Variants in SYN3 observed in about 807,000 individuals in gnomAD.
SYN3 encodes the protein synapsin III.
A neutral mutation model predicts 65.8 loss-of-function variants in SYN3; 35 were observed. That is an observed-to-expected ratio of 0.53 (90% CI 0.41 to 0.70). The LOEUF (loss-of-function observed/expected upper bound fraction) is 0.70, where lower values mean the gene tolerates loss of function less well. Ranked by LOEUF, SYN3 falls within the 30% of genes least tolerant of loss-of-function variation. The pLI is 0.00. For missense variants in SYN3, 680 were observed against 749.0 expected (o/e 0.91, Z 1.08); for synonymous variants, 270 against 292.9 (o/e 0.92, Z 0.80).
chr22:32,572,280 T>TTTCCTTCCTTCCTTCCC (rs1278696058), intron 7 of SYN3, among the ~76,000 whole-genome samples: 1 of 74,966 alleles, frequency 1.3e-5, no homozygotes, highest in African/African-American at 5.6e-5. Context: ...CCCCCCTCCC[T>TTTCCTTCCTTCCTTCCC]CCCTCCCTCC....
At chr22:32,629,107 G>A (rs62232754) in intron 6 of SYN3, among the ~76,000 whole-genome samples, 40,443 of 152,098 alleles carry the variant, frequency 0.27, 5,879 homozygotes, top group African/African-American at 0.37. Flanking sequence ...TGACCCTGTC[G>A]TGTGTGCTCC....
At chr22:32,805,525 T>C (rs539026948) in intron 6 of SYN3, among the ~76,000 whole-genome samples, 1 of 152,196 alleles carries the variant, frequency 6.6e-6, no homozygotes, top group African/African-American at 2.4e-5. Context: ...CTTGGAACCA[T>C]GGAAGGAGGA....
rs183964092 is a variant in SYN3, at chr22:32,990,887, A to G, written c.312-10185T>C. ...ACATAGCGAAAACCCATCTCTACTA[A>G]AAATGCAAAAAAAATTGGCTGGGCG... On this transcript the variant is annotated intron_variant, in intron 2 of 13. Transcript: ENST00000358763. 3.1e-3 allele frequency among the ~76,000 whole-genome samples: 465 copies of G among 152,070 alleles called. 4 individuals carry two copies. Among genetic ancestry groups the G allele is most frequent in the African/African-American group, 0.011 (451 of 41,486 alleles).
chr22:32,848,060 A>C (rs2048118956), intron 6 of SYN3, among the ~76,000 whole-genome samples: 1 of 152,182 alleles, frequency 6.6e-6, no homozygotes, highest in Non-Finnish European at 1.5e-5. Context: ...AGACCTGTCC[A>C]TTTGCTCCTC....
chr22:32,861,810 A>T (rs1355120438), intron 6 of SYN3: 1 of 152,666 alleles, frequency 6.6e-6, no homozygotes, highest in African/African-American at 2.4e-5. Flanking sequence ...TGTATAATTT[A>T]AAATCATTTA....
intron 4 of SYN3, among the ~76,000 whole-genome samples, chr22:32,881,887 C>T (rs2049149808): frequency 6.6e-6 from 1 of 152,004 alleles, no homozygotes; most frequent in Non-Finnish European, 1.5e-5. Context: ...GAAACCCCGT[C>T]TCTACTAAAA....
chr22:32,971,091 A>G (rs1276034137), intron 3 of SYN3, among the ~76,000 whole-genome samples: 1 of 152,232 alleles, frequency 6.6e-6, no homozygotes, highest in East Asian at 1.9e-4. Context: ...GCACCTAGCA[A>G]ATAGTAAATG....
chr22:32,535,787 G>GC (rs1164686053), intron 9 of SYN3, among the ~76,000 whole-genome samples: 1 of 152,098 alleles, frequency 6.6e-6, no homozygotes. Flanking sequence ...GAATCGGGGG[G>GC]GGGGCCCTGC....
chr22:32,986,446 A>G (rs2145685681), intron 2 of SYN3, among the ~76,000 whole-genome samples: 1 of 152,268 alleles, frequency 6.6e-6, no homozygotes, highest in Admixed American at 6.5e-5. Flanking sequence ...GGCCTGGCAG[A>G]CGGACTGGGG....
intron 7 of SYN3, among the ~76,000 whole-genome samples, chr22:32,575,605 C>T (rs2058839793): frequency 6.6e-6 from 1 of 152,182 alleles, no homozygotes; most frequent in African/African-American, 2.4e-5. Context: ...ATGTTTGCTC[C>T]TCCACTCACC....
chr22:32,520,866 A>C (rs1459126848), intron 12 of SYN3, among the ~76,000 whole-genome samples: 6 of 152,186 alleles, frequency 3.9e-5, no homozygotes, highest in African/African-American at 1.4e-4. Flanking sequence ...GACCGTGGGT[A>C]AGTCACTCCC....
chr22:32,583,868 T>C (rs1042298321), intron 7 of SYN3: 1 of 152,222 alleles, frequency 6.6e-6, no homozygotes, highest in African/African-American at 2.4e-5. Flanking sequence ...ATCCCCATTG[T>C]TCCTATAGCT....
chr22:32,516,374 T>G (rs2097314), intron 13 of SYN3, among the ~76,000 whole-genome samples: 80,682 of 151,466 alleles, frequency 0.53, 24,003 homozygotes, highest in East Asian at 0.9. Flanking sequence ...TTTATTTATT[T>G]ATTTATTGAG....
chr22:33,056,161 G>A lies in SYN3; in HGVS notation c.-163+2131C>T, dbSNP rs546534389. Among the ~76,000 whole-genome samples, 24 of 152,256 alleles carry A rather than the reference G, an allele frequency of 1.6e-4. No homozygotes were observed. The East Asian group carries it at 3.7e-3, about 23-fold the overall frequency. On this transcript the variant is annotated intron_variant, in intron 1 of 13. Coordinates refer to ENST00000358763, the MANE Select transcript of SYN3 (RefSeq NM_003490.4). ...ATATACATAATAGACACTCAAAAAA[G>A]GGAAGCAGTAGTCTTCGTGGCTATT... is the stretch of plus-strand genomic sequence containing the variant.
intron 6 of SYN3, among the ~76,000 whole-genome samples, chr22:32,708,374 C>G (rs938651580): frequency 2.0e-5 from 3 of 152,172 alleles, no homozygotes; most frequent in Non-Finnish European, 2.9e-5. Context: ...GCGGCCCATT[C>G]CCACCACGAT....
At chr22:32,895,902 T>C (rs1454181259) in intron 4 of SYN3, among the ~76,000 whole-genome samples, 6 of 152,170 alleles carry the variant, frequency 3.9e-5, no homozygotes, top group Non-Finnish European at 5.9e-5. Context: ...AACCTCTCTG[T>C]GTATAAGAAG....
At chr22:32,746,546 A>G (rs186842491) in intron 6 of SYN3, among the ~76,000 whole-genome samples, 23 of 152,280 alleles carry the variant, frequency 1.5e-4, no homozygotes, top group Admixed American at 1.0e-3. Context: ...GAAGGCTTTC[A>G]TATTTGGATG....
At chr22:32,605,054 T>C (rs2059352604) in intron 6 of SYN3, among the ~76,000 whole-genome samples, 2 of 151,472 alleles carry the variant, frequency 1.3e-5, no homozygotes, top group Admixed American at 1.3e-4. Flanking sequence ...TTTTTTTAAC[T>C]GTCTGTTTCT....
intron 6 of SYN3, among the ~76,000 whole-genome samples, chr22:32,810,267 G>T (rs899382642): frequency 6.6e-6 from 1 of 152,188 alleles, no homozygotes; most frequent in Non-Finnish European, 1.5e-5. Flanking sequence ...GGCCATCTGT[G>T]TGGCTAGGAT....
Sources: allele counts gnomAD v4.1 joint callset (sites outside exome capture counted in the v4.1 genomes callset), GRCh38; gene constraint gnomAD v4.1.1; transcripts MANE v1.5; gene names NCBI Gene and HGNC (gene_info 2026-07-23, HGNC 2026-07-21).